MAGI2: variants seen among roughly 807,000 people sequenced by gnomAD.
MAGI2 encodes membrane associated guanylate kinase, WW and PDZ domain containing 2.
A neutral mutation model predicts 133.3 loss-of-function variants in MAGI2; 35 were observed. The observed-to-expected ratio is 0.26, with a 90% confidence interval of 0.20 to 0.35. MAGI2 has a LOEUF of 0.35. Ranked by LOEUF, MAGI2 falls within the 10% of genes least tolerant of loss-of-function variation. MAGI2 has a pLI of 1.00. For synonymous variants in MAGI2, 729 were observed against 710.6 expected, an observed-to-expected ratio of 1.03 and a Z score of -0.41; for missense variants, 1,636 against 1,863.4, an observed-to-expected ratio of 0.88 and a Z score of 2.25.
At chr7:79,336,796 G>C (rs1840468806) in intron 1 of MAGI2, among the ~76,000 whole-genome samples, 1 of 152,016 alleles carries the variant, frequency 6.6e-6, no homozygotes, top group Non-Finnish European at 1.5e-5. Context: ...CTTTTTAAAG[G>C]CTGAATAAAA....
At chr7:78,431,074 C>CTGTGTGTGTGTG (rs147567944) in intron 6 of MAGI2, among the ~76,000 whole-genome samples, 1,518 of 146,506 alleles carry the variant, frequency 0.01, 25 homozygotes, top group African/African-American at 0.035. Flanking sequence ...GTGAGGTAGG[C>CTGTGTGTGTGTG]TGTGTGTGTG....
chr7:78,141,441 T>A (rs923387315), intron 16 of MAGI2, among the ~76,000 whole-genome samples: 1 of 152,236 alleles, frequency 6.6e-6, no homozygotes, highest in Non-Finnish European at 1.5e-5. Context: ...TCCTGGAATA[T>A]GACAAGGTGT....
intron 2 of MAGI2, among the ~76,000 whole-genome samples, chr7:78,767,264 C>T (rs1157526204): frequency 6.6e-6 from 1 of 152,170 alleles, no homozygotes; most frequent in Non-Finnish European, 1.5e-5. Flanking sequence ...GCCAGGATTA[C>T]AGGCGTGAGC....
intron 3 of MAGI2, among the ~76,000 whole-genome samples, chr7:78,598,218 G>T (rs1804819637): frequency 6.6e-6 from 1 of 152,136 alleles, no homozygotes; most frequent in Non-Finnish European, 1.5e-5. Flanking sequence ...TTCAAGGATT[G>T]TATAGTCTAG....
At chr7:78,944,670 C>A (rs1343857034) in intron 2 of MAGI2, among the ~76,000 whole-genome samples, 1 of 151,730 alleles carries the variant, frequency 6.6e-6, no homozygotes, top group Admixed American at 6.6e-5. Flanking sequence ...CCACTAGCAC[C>A]CAGGGATATA....
chr7:78,338,113 T>C (rs1321001114), intron 9 of MAGI2, among the ~76,000 whole-genome samples: 1 of 152,214 alleles, frequency 6.6e-6, no homozygotes, highest in East Asian at 1.9e-4. Flanking sequence ...GGTTTTTTTA[T>C]TTGAGGATAT....
At chr7:79,368,013 A>G (rs1223335149) in intron 1 of MAGI2, among the ~76,000 whole-genome samples, 1 of 151,734 alleles carries the variant, frequency 6.6e-6, no homozygotes, top group Non-Finnish European at 1.5e-5. Context: ...ATAATTTCCT[A>G]TGAACTGGCC....
At chr7:78,236,850 C>T (rs1211804217) in intron 10 of MAGI2, among the ~76,000 whole-genome samples, 1 of 152,170 alleles carries the variant, frequency 6.6e-6, no homozygotes, top group African/African-American at 2.4e-5. Flanking sequence ...CAAAGTTTCA[C>T]ATGGCTGGGG....
chr7:78,548,978 C>T (rs1228450152), intron 3 of MAGI2, among the ~76,000 whole-genome samples: 1 of 152,180 alleles, frequency 6.6e-6, no homozygotes, highest in East Asian at 1.9e-4. Flanking sequence ...ACTATTCATC[C>T]ATGGGTTTGT....
intron 6 of MAGI2, among the ~76,000 whole-genome samples, chr7:78,403,369 T>C (rs1158827950): frequency 1.3e-5 from 2 of 152,250 alleles, no homozygotes; most frequent in African/African-American, 4.8e-5. Context: ...ATGGTGTATA[T>C]GTGCCACATT....
intron 2 of MAGI2, among the ~76,000 whole-genome samples, chr7:78,993,149 A>G (rs1370518333): frequency 1.3e-5 from 2 of 152,080 alleles, no homozygotes; most frequent in African/African-American, 4.8e-5. Flanking sequence ...ATAATGCATA[A>G]CTATCCTAGT....
chr7:78,634,643 T>C (rs1809436349), intron 2 of MAGI2, among the ~76,000 whole-genome samples: 4 of 152,198 alleles, frequency 2.6e-5, no homozygotes, highest in Admixed American at 2.6e-4. Flanking sequence ...CTTGAAGTGG[T>C]TACTTACTTT....
At chr7:78,603,765 T>C (rs1219522844) in intron 3 of MAGI2, among the ~76,000 whole-genome samples, 1 of 152,092 alleles carries the variant, frequency 6.6e-6, no homozygotes, top group Non-Finnish European at 1.5e-5. Context: ...TCGTGATTTA[T>C]CCGCCTCAGC....
chr7:79,446,179 G>T (rs1434848069), intron 1 of MAGI2, among the ~76,000 whole-genome samples: 1 of 152,152 alleles, frequency 6.6e-6, no homozygotes, highest in African/African-American at 2.4e-5. Context: ...AGTGGGAGGA[G>T]GGGGGAGGGA....
intron 12 of MAGI2, among the ~76,000 whole-genome samples, chr7:78,192,289 T>G (rs1382270637): frequency 6.6e-6 from 1 of 152,132 alleles, no homozygotes; most frequent in Non-Finnish European, 1.5e-5. Context: ...TGCATGTGAT[T>G]CAAAGGAATA....
In MAGI2 at chr7:78,632,162, A is replaced by G. The variant is rs190911086; in HGVS notation, c.419-4923T>C. Among the ~76,000 whole-genome samples the G allele has an allele frequency of 3.3e-5, 5 of 152,356 alleles. No individual in the cohort carries two copies. In the East Asian group the frequency reaches 9.6e-4, roughly 29 times the overall value. ...AAACACTATTCTAGATGCTTGAGCT[A>G]TATCTCTGAATAACACAGACTAAGA... On this transcript the variant is annotated intron_variant, in intron 2 of 21. Transcript: ENST00000354212.
chr7:79,110,779 T>A (rs1015965260), intron 1 of MAGI2, among the ~76,000 whole-genome samples: 7 of 152,138 alleles, frequency 4.6e-5, no homozygotes, highest in Admixed American at 2.0e-4. Context: ...CATGTTGAGA[T>A]GTAGTTCTCC....
intron 1 of MAGI2, among the ~76,000 whole-genome samples, chr7:79,176,355 T>C (rs1826095248): frequency 6.6e-6 from 1 of 151,984 alleles, no homozygotes; most frequent in Admixed American, 6.6e-5. Context: ...AGGACCATTC[T>C]AGGTCCCAAG....
intron 4 of MAGI2, among the ~76,000 whole-genome samples, chr7:78,511,408 A>G (rs944398249): frequency 3.9e-4 from 59 of 151,956 alleles, no homozygotes; most frequent in African/African-American, 1.3e-3. Context: ...ATTGTCAATT[A>G]TTGCTCAAAG....
Sources: allele counts gnomAD v4.1 joint callset (sites outside exome capture counted in the v4.1 genomes callset), GRCh38; gene constraint gnomAD v4.1.1; transcripts MANE v1.5; gene names NCBI Gene and HGNC (gene_info 2026-07-23, HGNC 2026-07-21).